Variants in BRSK1 observed in about 807,000 individuals in gnomAD.
BRSK1 encodes serine/threonine-protein kinase BRSK1.
BRSK1 carries 17 observed loss-of-function variants against 86.2 expected under a neutral mutation model. The ratio of observed to expected loss-of-function variants is 0.20; its 90% CI spans 0.14 to 0.30. BRSK1 has a LOEUF of 0.30. Among genes scored for constraint, BRSK1 ranks in the 10% least tolerant of loss-of-function variants. The pLI, the probability that BRSK1 is intolerant of heterozygous loss-of-function variation, is 1.00. For synonymous variants in BRSK1, 464 were observed against 440.1 expected, an observed-to-expected ratio of 1.05 and a Z score of -0.68; for missense variants, 719 against 1,071.9, an observed-to-expected ratio of 0.67 and a Z score of 4.60.
chr19:55,305,608 C>T (rs201393743), intron 16 of BRSK1, 22 bp downstream of exon 16: 282 of 1,613,514 alleles, frequency 1.7e-4, no homozygotes, highest in Non-Finnish European at 2.2e-4. Flanking sequence ...GGGTCCCCAT[C>T]GAGCCTGGCC....
rs2088828157 is a variant in BRSK1 at position 55,312,499 on chromosome 19, C to T, written c.*431C>T. 6.4e-6 allele frequency: 1 copy of T among 155,252 alleles called. No homozygotes were observed. The allele number at this position is 155,252 out of a possible 1,614,324, so 9.6% of individuals were successfully genotyped here. A position where few individuals can be genotyped will look rare whatever the true frequency, so the allele number is the denominator to read the frequency against. On this transcript the variant is annotated 3_prime_UTR_variant, in exon 19 of 19. Transcript: ENST00000309383. ...GAAGGAATTCTGGTTTCGCGTGATC[C>T]TGCCTGCGTCCGTGTCTCTGATTCC...
chr19:55,294,455 A>G lies in BRSK1; in HGVS notation c.678+58A>G, dbSNP rs868048846. The G allele has an allele frequency of 6.5e-6, 10 of 1,548,574 alleles. 1 individual carries two copies. In the Middle Eastern group the frequency reaches 1.2e-3, roughly 181 times the overall value. On this transcript the variant is annotated intron_variant, in intron 7 of 18. Coordinates refer to ENST00000309383, the MANE Select transcript of BRSK1 (RefSeq NM_032430.2). The surrounding 1 kb of genome is among the most constrained non-coding windows in gnomAD (Gnocchi z 4.9). ...GATCAATCCCACCTGGTGGGAGCAT[A>G]GGACAGTACCTTCCATCCTCAGGTC...
At chr19:55,308,032 T>A (rs1303219528) in intron 17 of BRSK1, among the ~76,000 whole-genome samples, 1 of 150,522 alleles carries the variant, frequency 6.6e-6, no homozygotes, top group East Asian at 1.9e-4. Context: ...TGGTTTTTTT[T>A]TTTTTTGAGA....
chr19:55,301,021 G>A (rs1314629533), intron 7 of BRSK1, among the ~76,000 whole-genome samples: 1 of 152,086 alleles, frequency 6.6e-6, no homozygotes, highest in Non-Finnish European at 1.5e-5. Context: ...CTGTGCCTGC[G>A]TCCTCGTCTC....
rs112122019 is a variant in BRSK1 at position 55,284,141 on chromosome 19, C to T, written c.-302C>T. 3 of 1,162,812 alleles carry T rather than the reference C, an allele frequency of 2.6e-6. No individual in the cohort carries two copies. Among genetic ancestry groups the T allele is most frequent in the Non-Finnish European group, 2.2e-6 (2 of 926,458 alleles). The allele number at this position is 1,162,812 out of a possible 1,614,324, so 72.0% of individuals were successfully genotyped here. The stretch of plus-strand genomic sequence containing the variant: ...CCGCCGGCCCGCACCTCAGACCCCC[C>T]CGGCGGGGGGAGGCGCAGGAAGCGG... On this transcript the variant is annotated 5_prime_UTR_variant, in exon 1 of 19. Transcript: ENST00000309383.
At chr19:55,285,316 A>C (rs1401947461) in intron 1 of BRSK1, among the ~76,000 whole-genome samples, 1 of 151,872 alleles carries the variant, frequency 6.6e-6, no homozygotes, top group African/African-American at 2.4e-5. Flanking sequence ...GAGTGTTGGG[A>C]CAGGGAGTTT....
intron 16 of BRSK1, 23 bp downstream of exon 16, chr19:55,305,609 G>A: frequency 6.2e-7 from 1 of 1,613,502 alleles, no homozygotes; most frequent in South Asian, 1.1e-5. Context: ...GGTCCCCATC[G>A]AGCCTGGCCC....
rs1296295657 is a variant in BRSK1 at position 55,312,432 on chromosome 19, CT to C, written c.*365del. 77 of 179,428 alleles carry C rather than the reference CT, an allele frequency of 4.3e-4. No individual in the cohort carries two copies. Among genetic ancestry groups the C allele is most frequent in the Non-Finnish European group, 5.8e-4 (52 of 89,930 alleles). 11.1% of individuals were successfully genotyped at this position (179,428 alleles called of 1,614,324 possible). A position where few individuals can be genotyped will look rare whatever the true frequency, so the allele number is the denominator to read the frequency against. ...CCCCTCTTCCCGGGCCCCTCCTCCC[CT>C]GGTCCTCCCCCCACGACCTTCTGTA... On this transcript the variant is annotated 3_prime_UTR_variant, in exon 19 of 19. Coordinates refer to ENST00000309383, the MANE Select transcript of BRSK1 (RefSeq NM_032430.2).
chr19:55,303,149 A>G lies in BRSK1; in HGVS notation c.1029-162A>G. ...GTGTTATTATAATTGAGTGAAACAC[A>G]GCTGAGATGTACCCTAAACCAGAGA... is the stretch of plus-strand genomic sequence containing the variant. On this transcript the variant is annotated intron_variant, in intron 10 of 18. Coordinates refer to ENST00000309383, the MANE Select transcript of BRSK1 (RefSeq NM_032430.2). The surrounding 1 kb of genome is among the most constrained non-coding windows in gnomAD (Gnocchi z 5.1). The G allele has an allele frequency of 3.1e-6, 2 of 655,168 alleles. No homozygotes were observed. The highest frequency in any genetic ancestry group is 5.2e-6 in the Non-Finnish European group (2 of 382,698). The allele number at this position is 655,168 out of a possible 1,614,324, so 40.6% of individuals were successfully genotyped here.
intron 18 of BRSK1, among the ~76,000 whole-genome samples, chr19:55,308,982 G>A (rs2088720593): frequency 6.6e-6 from 1 of 152,138 alleles, no homozygotes; most frequent in South Asian, 2.1e-4. Context: ...AGAGGCTGGG[G>A]CCTGAGGAGG....
chr19:55,312,556 AAAAAAAGATAATAAT>A (rs1184174079), exon 19 of BRSK1: 2 of 257,752 alleles, frequency 7.8e-6, no homozygotes, highest in Non-Finnish European at 1.4e-5. Context: ...AAAAAAAAAA[AAAAAAAGATAATAAT>A]AATAAATAGC....
rs2088270384 is a variant in BRSK1 at position 55,284,042 on chromosome 19, G to GGGAGGCGGAGAGGAGGA, written c.-390_-374dup. The GGGAGGCGGAGAGGAGGA allele has an allele frequency of 1.6e-6, 2 of 1,235,918 alleles. No homozygotes were observed. The highest frequency in any genetic ancestry group is 2.0e-6 in the Non-Finnish European group (2 of 990,426). The allele number at this position is 1,235,918 out of a possible 1,614,324, so 76.6% of individuals were successfully genotyped here. The stretch of plus-strand genomic sequence containing the variant: ...CGGAGAGAAAGGACGAGGTGGCGGG[G>GGGAGGCGGAGAGGAGGA]GGAGGCGGAGAGGAGGAGGAGGCGG... On this transcript the variant is annotated 5_prime_UTR_variant, in exon 1 of 19. It removes the in-frame stop codon of an upstream open reading frame in the 5' UTR. Coordinates refer to ENST00000309383, the MANE Select transcript of BRSK1 (RefSeq NM_032430.2).
intron 18 of BRSK1, among the ~76,000 whole-genome samples, chr19:55,309,653 A>G (rs773461530): frequency 2.6e-5 from 4 of 152,132 alleles, no homozygotes; most frequent in Admixed American, 6.6e-5. Context: ...CCCCACCCTC[A>G]TGACCTCATC....
At position 55,287,452 on chromosome 19, in the gene BRSK1, G is replaced by A. The variant is rs939721689; in HGVS notation, c.317+153G>A. On this transcript the variant is annotated intron_variant, in intron 3 of 18. Coordinates refer to ENST00000309383, the MANE Select transcript of BRSK1 (RefSeq NM_032430.2). The surrounding 1 kb of genome is among the most constrained non-coding windows in gnomAD (Gnocchi z 5.3). ...GCCCAGTTCCTTGCCTGTTGCACAG[G>A]GAAGCCCCTGACACACAGGGAACCC... is the stretch of plus-strand genomic sequence containing the variant. 51 of 712,876 alleles carry A rather than the reference G, an allele frequency of 7.2e-5. No individual in the cohort carries two copies. Among genetic ancestry groups the A allele is most frequent in the Non-Finnish European group, 2.4e-5 (10 of 422,076 alleles). 44.2% of individuals were successfully genotyped at this position (712,876 alleles called of 1,614,324 possible). A position where few individuals can be genotyped will look rare whatever the true frequency, so the allele number is the denominator to read the frequency against.
chr19:55,286,275 C>T (rs1001374531), intron 1 of BRSK1, among the ~76,000 whole-genome samples: 4 of 151,192 alleles, frequency 2.6e-5, no homozygotes, highest in Non-Finnish European at 2.9e-5. Context: ...GGGGTCTGGA[C>T]GCCTGGGCCT....
chr19:55,302,709 C>T lies in BRSK1; in HGVS notation c.870C>T (p.His290=), dbSNP rs1212688414. ...TCCACTTCCCCAGAGGCGGGAAACA[C>T]GAGCCAGACCCGTGCCTGGAGCCAG... ...QKHPWYLGGK[H]EPDPCLEPAP... Residue 290 remains histidine (H), a synonymous_variant, in exon 10 of 19, where the codon CAC becomes CAT. Coordinates refer to ENST00000309383, the MANE Select transcript of BRSK1 (RefSeq NM_032430.2). This position sits in a 1 kb window ranked among gnomAD's most constrained non-coding sequence, Gnocchi z 6.3. 3.7e-6 allele frequency: 6 copies of T among 1,605,834 alleles called. No homozygotes were observed. Among genetic ancestry groups the T allele is most frequent in the Admixed American group, 3.4e-5 (2 of 59,024 alleles).
intron 4 of BRSK1, among the ~76,000 whole-genome samples, chr19:55,292,563 G>C (rs1036468224): frequency 1.3e-5 from 2 of 151,682 alleles, no homozygotes; most frequent in African/African-American, 4.8e-5. Flanking sequence ...GCCGGGCGCG[G>C]TGGCTCACGC....
At chr19:55,307,953 CAAAAGAA>C (rs1283471292) in intron 17 of BRSK1, among the ~76,000 whole-genome samples, 1 of 150,182 alleles carries the variant, frequency 6.7e-6, no homozygotes, top group Non-Finnish European at 1.5e-5. Flanking sequence ...GACCTTGTCT[CAAAAGAA>C]AAAAGAAAAA....
rs1308344035 is a variant in BRSK1 at position 55,302,857 on chromosome 19, C to T, written c.1018C>T (p.Arg340Cys). ...RDRERLHREL[R>C]SEEENQEKMI... Reference sequence around the variant, plus strand: ...CCGCGAGAGGCTGCATCGCGAGCTGCGCAGTGAGGAGTAAGACCCCAAGAC... The same window carrying T: ...CCGCGAGAGGCTGCATCGCGAGCTGTGCAGTGAGGAGTAAGACCCCAAGAC... Residue 340 changes from arginine (R) to cysteine (C), a missense_variant, in exon 10 of 19, where the codon CGC becomes TGC. Coordinates refer to ENST00000309383, the MANE Select transcript of BRSK1 (RefSeq NM_032430.2). This position sits in a 1 kb window ranked among gnomAD's most constrained non-coding sequence, Gnocchi z 6.3. 5 of 1,612,804 alleles carry T rather than the reference C, an allele frequency of 3.1e-6. No individual in the cohort carries two copies. The highest frequency in any genetic ancestry group is 2.7e-5 in the African/African-American group (2 of 74,894).
Sources: allele counts gnomAD v4.1 joint callset (sites outside exome capture counted in the v4.1 genomes callset), GRCh38; gene constraint gnomAD v4.1.1; non-coding constraint Gnocchi (gnomAD v3.1); transcripts MANE v1.5; gene names NCBI Gene and HGNC (gene_info 2026-07-23, HGNC 2026-07-21).